NPAP1: variants seen among roughly 807,000 people sequenced by gnomAD.
NPAP1 encodes the protein nuclear pore-associated protein 1.
For synonymous variants in NPAP1, 616 were observed against 581.4 expected, an observed-to-expected ratio of 1.06 and a Z score of -0.86; for missense variants, 1,483 against 1,454.5, an observed-to-expected ratio of 1.02 and a Z score of -0.32.
In NPAP1 at chr15:24,677,222, A is replaced by G. The variant is rs779551339; in HGVS notation, c.1355A>G (p.Glu452Gly). 2.0e-5 allele frequency: 33 copies of G among 1,614,092 alleles called. No individual in the cohort carries two copies. The highest frequency in any genetic ancestry group is 1.6e-4 in the Middle Eastern group (1 of 6,062). Residue 452 changes from glutamate to glycine, a missense_variant, in exon 1 of 1, where the codon GAG becomes GGG. Glu to Gly is a moderately conservative substitution (Grantham distance 98). Coordinates refer to ENST00000329468, the MANE Select transcript of NPAP1 (RefSeq NM_018958.3). The part of the protein sequence containing the change: ...PPLSTTPKMD[E>G]KIAFTIPNSP... ...CTTTCCACCACACCAAAAATGGATG[A>G]GAAAATAGCATTCACAATCCCTAAC...
In NPAP1 at chr15:24,679,389, C is replaced by A. The variant is rs747413142; in HGVS notation, c.*51C>A. ...ACCACATCAGTTGTGGTTGTAAATA[C>A]CAGCATTATCCTTTTGTATGGTCAT... is the stretch of plus-strand genomic sequence containing the variant. On this transcript the variant is annotated 3_prime_UTR_variant, in exon 1 of 1. Transcript: ENST00000329468. 1 of 1,272,294 alleles carries A rather than the reference C, an allele frequency of 7.9e-7. No homozygotes were observed. 78.8% of individuals were successfully genotyped at this position (1,272,294 alleles called of 1,614,324 possible).
In NPAP1 at chr15:24,682,943, T is replaced by A. The variant is rs2049026575; in HGVS notation, c.*3605T>A. 6.0e-6 allele frequency: 1 copy of A among 167,034 alleles called. No individual in the cohort carries two copies. Among genetic ancestry groups the A allele is most frequent in the Admixed American group, 6.5e-5 (1 of 15,288 alleles). 10.3% of individuals were successfully genotyped at this position (167,034 alleles called of 1,614,324 possible). ...ATTAGAAATAAGTAGTAACTTCTTT[T>A]AGAAGCAAAATGTATTCACAGACCT... On this transcript the variant is annotated 3_prime_UTR_variant, in exon 1 of 1. Transcript: ENST00000329468.
In NPAP1 at chr15:24,675,955, C is replaced by A. The variant is rs558652902; in HGVS notation, c.88C>A (p.Arg30=). 1.9e-6 allele frequency: 3 copies of A among 1,591,250 alleles called. No homozygotes were observed. The highest frequency in any genetic ancestry group is 1.8e-5 in the Admixed American group (1 of 56,874). Reference sequence around the variant, plus strand: ...GCGTGGCGCCCCCGCTCCCCTGTCCCGGGACGCCTCCCCGCCCGGTCGGGC... The same window carrying A: ...GCGTGGCGCCCCCGCTCCCCTGTCCAGGGACGCCTCCCCGCCCGGTCGGGC... ...PGRGAPAPLS[R]DASPPGRAHS... The change falls in exon 1 of 1, where the codon CGG becomes AGG. Residue 30 remains arginine (R), a synonymous_variant. Transcript: ENST00000329468.
rs1340382968 is a variant in NPAP1 at position 24,682,385 on chromosome 15, A to G, written c.*3047A>G. On this transcript the variant is annotated 3_prime_UTR_variant, in exon 1 of 1. Transcript: ENST00000329468. ...ATTCATACTTCTTGACATTTTTTAA[A>G]AGGCTTCAAGCTAAATATTATGATC... is the stretch of plus-strand genomic sequence containing the variant. 1 of 166,686 alleles carries G rather than the reference A, an allele frequency of 6.0e-6. No homozygotes were observed. Among genetic ancestry groups the G allele is most frequent in the African/African-American group, 2.4e-5 (1 of 41,472 alleles). 10.3% of individuals were successfully genotyped at this position (166,686 alleles called of 1,614,324 possible).
Position 24,680,978 on chromosome 15 carries a change from G to A in NPAP1, c.*1640G>A, listed in dbSNP as rs535193031. On this transcript the variant is annotated 3_prime_UTR_variant, in exon 1 of 1. Transcript: ENST00000329468. ...CCTCACTGGGAAGGTAAATTTAAACGAAGCCTAGAGAGAAGCAGTTGAGCC... is the reference window on the plus strand; with the variant it reads ...CCTCACTGGGAAGGTAAATTTAAACAAAGCCTAGAGAGAAGCAGTTGAGCC... The A allele has an allele frequency of 6.6e-5, 11 of 166,994 alleles. No individual in the cohort carries two copies. Among genetic ancestry groups the A allele is most frequent in the Non-Finnish European group, 1.2e-4 (8 of 68,128 alleles). The allele number at this position is 166,994 out of a possible 1,614,324, so 10.3% of individuals were successfully genotyped here.
rs2048970780 is a variant in NPAP1, at chr15:24,675,824, C to T, written c.-44C>T. 7.4e-7 allele frequency: 1 copy of T among 1,348,920 alleles called. No homozygotes were observed. Among genetic ancestry groups the T allele is most frequent in the South Asian group, 1.5e-5 (1 of 66,202 alleles). 83.6% of individuals were successfully genotyped at this position (1,348,920 alleles called of 1,614,324 possible). ...GGCGGTGGCTGAGGAGAGTTGAGTC[C>T]ACTGCTGACCCTGTTTTACGGTAGG... is the stretch of plus-strand genomic sequence containing the variant. On this transcript the variant is annotated 5_prime_UTR_variant, in exon 1 of 1. Coordinates refer to ENST00000329468, the MANE Select transcript of NPAP1 (RefSeq NM_018958.3).
In NPAP1 at chr15:24,680,790, G is replaced by T. The variant is rs1400701597; in HGVS notation, c.*1452G>T. ...TCATGGACAGAAAGGCAAAATTCCC[G>T]ACTTTGTGGACCCTATATTCTAGTT... On this transcript the variant is annotated 3_prime_UTR_variant, in exon 1 of 1. Transcript: ENST00000329468. The T allele has an allele frequency of 6.0e-6, 1 of 166,902 alleles. No homozygotes were observed. Among genetic ancestry groups the T allele is most frequent in the Non-Finnish European group, 1.5e-5 (1 of 68,102 alleles). 10.3% of individuals were successfully genotyped at this position (166,902 alleles called of 1,614,324 possible). A position where few individuals can be genotyped will look rare whatever the true frequency, so the allele number is the denominator to read the frequency against.
In NPAP1 at chr15:24,676,660, C is replaced by T. The variant is rs1049156380; in HGVS notation, c.793C>T (p.Pro265Ser). ...PDPDATAPPE[P>S]AVGCSLLQQK... is the part of the protein sequence containing the mutation. ...TCCGGATGCAACAGCGCCCCCTGAG[C>T]CAGCCGTTGGCTGCTCCCTGCTGCA... The change falls in exon 1 of 1, where the codon CCA becomes TCA. Residue 265 changes from proline (P) to serine (S), a missense_variant. Physicochemically the swap from Pro to Ser is moderately conservative, Grantham distance 74. Transcript: ENST00000329468. The T allele has an allele frequency of 6.2e-7, 1 of 1,614,012 alleles. No homozygotes were observed. The highest frequency in any genetic ancestry group is 1.1e-5 in the South Asian group (1 of 91,092).
rs769393442 is a variant in NPAP1, at chr15:24,676,312, A to G, written c.445A>G (p.Thr149Ala). Residue 149 changes from threonine to alanine, a missense_variant, in exon 1 of 1, where the codon ACC becomes GCC. Physicochemically the swap from Thr to Ala is moderately conservative, Grantham distance 58. Coordinates refer to ENST00000329468, the MANE Select transcript of NPAP1 (RefSeq NM_018958.3). ...CATCCCAGCCACTCTCCTGGAGGAG[A>G]CCGAGGTGTGGGCCCAAGAAGGGCC... ...KPIPATLLEE[T>A]EVWAQEGPRR... 3 of 1,523,766 alleles carry G rather than the reference A, an allele frequency of 2.0e-6. No homozygotes were observed. The East Asian group carries it at 6.8e-5, about 34-fold the overall frequency. 94.4% of individuals were successfully genotyped at this position (1,523,766 alleles called of 1,614,324 possible).
rs2141310025 is a variant in NPAP1 at position 24,677,289 on chromosome 15, T to C, written c.1422T>C (p.Gly474=). 1 of 1,614,130 alleles carries C rather than the reference T, an allele frequency of 6.2e-7. No individual in the cohort carries two copies. Residue 474 remains glycine (G), a synonymous_variant, in exon 1 of 1, where the codon GGT becomes GGC. Transcript: ENST00000329468. ...CTGCTGACCTTGTTCCCATTTTGGGTGATCAGTCTAATGAGAAAGGAGGCT... is the reference window on the plus strand; with the variant it reads ...CTGCTGACCTTGTTCCCATTTTGGGCGATCAGTCTAATGAGAAAGGAGGCT... The part of the protein sequence containing the change: ...ALPADLVPIL[G]DQSNEKGGSY...
Position 24,676,951 on chromosome 15 carries a change from G to A in NPAP1, c.1084G>A (p.Val362Ile), listed in dbSNP as rs2048980798. ...PPPAKLPCLS[V>I]EGDLHTLEKS... is the part of the protein sequence containing the mutation. Reference sequence around the variant, plus strand: ...ACCTGCTAAGCTCCCCTGCCTGTCTGTTGAGGGAGACCTACACACCTTGGA... The same window carrying A: ...ACCTGCTAAGCTCCCCTGCCTGTCTATTGAGGGAGACCTACACACCTTGGA... Residue 362 changes from valine to isoleucine, a missense_variant, in exon 1 of 1, where the codon GTT (valine) becomes ATT (isoleucine). Physicochemically the swap from Val to Ile is conservative, Grantham distance 29. Coordinates refer to ENST00000329468, the MANE Select transcript of NPAP1 (RefSeq NM_018958.3). The A allele has an allele frequency of 3.7e-6, 6 of 1,613,056 alleles. No homozygotes were observed. The South Asian group carries it at 6.6e-5, about 18-fold the overall frequency.
Position 24,681,807 on chromosome 15 carries a change from A to G in NPAP1, c.*2469A>G, listed in dbSNP as rs1312801273. ...ATAGATAGATACATAGATAGATGATAGAGATAGATGATAGATAGATAGATA... is the reference window on the plus strand; with the variant it reads ...ATAGATAGATACATAGATAGATGATGGAGATAGATGATAGATAGATAGATA... On this transcript the variant is annotated 3_prime_UTR_variant, in exon 1 of 1. Coordinates refer to ENST00000329468, the MANE Select transcript of NPAP1 (RefSeq NM_018958.3). 1 of 152,702 alleles carries G rather than the reference A, an allele frequency of 6.5e-6. No homozygotes were observed. Among genetic ancestry groups the G allele is most frequent in the Non-Finnish European group, 1.6e-5 (1 of 63,120 alleles). The allele number at this position is 152,702 out of a possible 1,614,324, so 9.5% of individuals were successfully genotyped here.
Position 24,679,549 on chromosome 15 carries a change from ACAGGTGGTG to A in NPAP1, c.*214_*222del, listed in dbSNP as rs1486015780. 1.9e-5 allele frequency: 11 copies of A among 581,778 alleles called. No homozygotes were observed. Among genetic ancestry groups the A allele is most frequent in the Non-Finnish European group, 3.1e-5 (10 of 319,248 alleles). 36.0% of individuals were successfully genotyped at this position (581,778 alleles called of 1,614,324 possible). A position where few individuals can be genotyped will look rare whatever the true frequency, so the allele number is the denominator to read the frequency against. Reference sequence around the variant, plus strand: ...CACATGGGTCCCACCTGGACAAAACACAGGTGGTGCATCTGCAGTGAATGGCAACATATC... The same window carrying A: ...CACATGGGTCCCACCTGGACAAAACACATCTGCAGTGAATGGCAACATATC... On this transcript the variant is annotated 3_prime_UTR_variant, in exon 1 of 1. Transcript: ENST00000329468.
Position 24,679,588 on chromosome 15 carries a change from A to C in NPAP1, c.*250A>C. On this transcript the variant is annotated 3_prime_UTR_variant, in exon 1 of 1. Coordinates refer to ENST00000329468, the MANE Select transcript of NPAP1 (RefSeq NM_018958.3). ...TGCAGTGAATGGCAACATATCTTTA[A>C]TTAGAGGCCCTTGTGTATCCACCTA... The C allele has an allele frequency of 2.0e-6, 1 of 487,898 alleles. No homozygotes were observed. The allele number at this position is 487,898 out of a possible 1,614,324, so 30.2% of individuals were successfully genotyped here.
rs1420311687 is a variant in NPAP1 at position 24,682,552 on chromosome 15, T to C, written c.*3214T>C. 2 of 167,060 alleles carry C rather than the reference T, an allele frequency of 1.2e-5. No individual in the cohort carries two copies. The highest frequency in any genetic ancestry group is 2.9e-5 in the Non-Finnish European group (2 of 68,124). 10.3% of individuals were successfully genotyped at this position (167,060 alleles called of 1,614,324 possible). A position where few individuals can be genotyped will look rare whatever the true frequency, so the allele number is the denominator to read the frequency against. ...AGATAAAAAGCAAACATAATATCAA[T>C]TTAAATAATACTGAAAGTCAACCTT... On this transcript the variant is annotated 3_prime_UTR_variant, in exon 1 of 1. Coordinates refer to ENST00000329468, the MANE Select transcript of NPAP1 (RefSeq NM_018958.3).
rs986121605 is a variant in NPAP1 at position 24,677,040 on chromosome 15, C to G, written c.1173C>G (p.Asn391Lys). ...ILEDKTETMT[N>K]SSITQPAPSF... is the part of the protein sequence containing the mutation. ...AGGATAAAACAGAGACCATGACAAACAGCAGCATCACCCAGCCTGCCCCTT... is the reference window on the plus strand; with the variant it reads ...AGGATAAAACAGAGACCATGACAAAGAGCAGCATCACCCAGCCTGCCCCTT... The change falls in exon 1 of 1, where the codon AAC becomes AAG. Residue 391 changes from asparagine to lysine, a missense_variant. Asn to Lys is a moderately conservative substitution (Grantham distance 94). Coordinates refer to ENST00000329468, the MANE Select transcript of NPAP1 (RefSeq NM_018958.3). 21 of 1,613,994 alleles carry G rather than the reference C, an allele frequency of 1.3e-5. No homozygotes were observed. The highest frequency in any genetic ancestry group is 1.8e-5 in the Non-Finnish European group (21 of 1,179,996).
In NPAP1 at chr15:24,677,150, A is replaced by T. The variant is rs765361051; in HGVS notation, c.1283A>T (p.Asp428Val). The T allele has an allele frequency of 6.2e-7, 1 of 1,614,044 alleles. No homozygotes were observed. The highest frequency in any genetic ancestry group is 1.7e-5 in the Admixed American group (1 of 60,010). ...GTCTCAGCTCCTTTGCCCATCCCTG[A>T]CTTGGCTGACCTGGCTACTGGACCC... ...SQVSAPLPIP[D>V]LADLATGPLI... is the part of the protein sequence containing the mutation. Residue 428 changes from aspartate to valine, a missense_variant, in exon 1 of 1, where the codon GAC (aspartate) becomes GTC (valine). Transcript: ENST00000329468.
Position 24,675,999 on chromosome 15 carries a change from G to T in NPAP1, c.132G>T (p.Pro44=). 6.2e-7 allele frequency: 1 copy of T among 1,600,352 alleles called. No individual in the cohort carries two copies. The highest frequency in any genetic ancestry group is 8.5e-7 in the Non-Finnish European group (1 of 1,174,846). The change falls in exon 1 of 1, where the codon CCG becomes CCT. Residue 44 remains proline, a synonymous_variant. Coordinates refer to ENST00000329468, the MANE Select transcript of NPAP1 (RefSeq NM_018958.3). ...GTCGGGCTCACTCTGTACCCACCCCGCGCCCTTTCCGCGGCCTGTTCCGCC... is the reference window on the plus strand; with the variant it reads ...GTCGGGCTCACTCTGTACCCACCCCTCGCCCTTTCCGCGGCCTGTTCCGCC... ...PPGRAHSVPT[P]RPFRGLFRRN... is the part of the protein sequence containing the mutation.
At position 24,678,230 on chromosome 15, in the gene NPAP1, G is replaced by A. The variant is rs186080161; in HGVS notation, c.2363G>A (p.Ser788Asn). ...DGPQQKTSLP[S>N]AHDFLSLPIM... is the part of the protein sequence containing the mutation. ...CCGCAGCAGAAAACCTCTCTCCCCA[G>A]TGCCCATGATTTCCTGAGCCTTCCT... Residue 788 changes from serine to asparagine, a missense_variant, in exon 1 of 1, where the codon AGT becomes AAT. Ser to Asn is a conservative substitution (Grantham distance 46). Coordinates refer to ENST00000329468, the MANE Select transcript of NPAP1 (RefSeq NM_018958.3). 7.4e-6 allele frequency: 12 copies of A among 1,612,792 alleles called. No individual in the cohort carries two copies. The highest frequency in any genetic ancestry group is 1.7e-4 in the Middle Eastern group (1 of 6,056).
Sources: allele counts gnomAD v4.1 joint callset, GRCh38; gene constraint gnomAD v4.1.1; transcripts MANE v1.5; gene names NCBI Gene and HGNC (gene_info 2026-07-23, HGNC 2026-07-21).